Variants in NCALD observed in about 807,000 individuals in gnomAD.
NCALD encodes neurocalcin delta.
In NCALD, 10 loss-of-function variants were observed where a neutral mutation model predicts 18.6. The observed-to-expected ratio is 0.54, with a 90% CI of 0.33 to 0.91. NCALD has a LOEUF of 0.91. Among genes scored for constraint, NCALD ranks in the 40% least tolerant of loss-of-function variants. The probability of loss-of-function intolerance (pLI) is 0.03; values close to 1 mark genes in which losing one functional copy is unlikely to be tolerated. For missense variants in NCALD, 184 were observed against 247.6 expected (o/e 0.74, Z 1.72); for synonymous variants, 88 against 87.4 (o/e 1.01, Z -0.04).
intron 4 of NCALD, among the ~76,000 whole-genome samples, chr8:101,846,978 C>G (rs760725134): frequency 7.2e-5 from 11 of 152,166 alleles, no homozygotes; most frequent in African/African-American, 2.4e-4. Context: ...CAAATATCTA[C>G]TATCTCTTTC....
chr8:102,049,304 TC>T (rs1823350116), intron 1 of NCALD, among the ~76,000 whole-genome samples: 1 of 152,186 alleles, frequency 6.6e-6, no homozygotes, highest in Admixed American at 6.5e-5. Context: ...ATGGATCCAA[TC>T]CCCCATGGAT....
intron 2 of NCALD, among the ~76,000 whole-genome samples, chr8:101,999,206 A>G (rs949298219): frequency 6.6e-6 from 1 of 152,156 alleles, no homozygotes; most frequent in Middle Eastern, 3.2e-3. Context: ...TTGCACACAT[A>G]TGTTTATACC....
At chr8:102,056,340 CA>C (rs1823649149) in intron 1 of NCALD, among the ~76,000 whole-genome samples, 1 of 152,128 alleles carries the variant, frequency 6.6e-6, no homozygotes, top group Non-Finnish European at 1.5e-5. Flanking sequence ...TTTAAATAGC[CA>C]CAAGATATGA....
intron 4 of NCALD, among the ~76,000 whole-genome samples, chr8:101,800,552 G>C (rs1563781866): frequency 1.3e-5 from 2 of 151,486 alleles, no homozygotes; most frequent in African/African-American, 2.4e-5. Context: ...TATATAAACT[G>C]ACCAAATATT....
At chr8:101,736,064 G>A (rs954360181) in intron 1 of NCALD, among the ~76,000 whole-genome samples, 2 of 152,158 alleles carry the variant, frequency 1.3e-5, no homozygotes, top group Non-Finnish European at 2.9e-5. Flanking sequence ...CGACACCAGC[G>A]GGAGACTCAA....
intron 1 of NCALD, among the ~76,000 whole-genome samples, chr8:102,064,835 G>C (rs1345966799): frequency 6.6e-6 from 1 of 152,040 alleles, no homozygotes; most frequent in Admixed American, 6.5e-5. Flanking sequence ...AAGCACCCTA[G>C]ATGCTGTGCT....
rs976411581 is a variant in NCALD, at chr8:101,895,075, T to G, written c.-106-7848A>C. ...GACACAACCAAAAAAGAGAATTTTATACCAATATCCTTGATGAACATTGAT... is the reference window on the plus strand; with the variant it reads ...GACACAACCAAAAAAGAGAATTTTAGACCAATATCCTTGATGAACATTGAT... On this transcript the variant is annotated intron_variant, in intron 3 of 6. Transcript: ENST00000311028. Among the ~76,000 whole-genome samples the G allele has an allele frequency of 2.7e-4, 41 of 150,458 alleles. 2 individuals carry two copies. The East Asian group carries it at 5.0e-3, about 18-fold the overall frequency.
chr8:101,699,496 G>C (rs942805991), intron 2 of NCALD, among the ~76,000 whole-genome samples: 1 of 152,142 alleles, frequency 6.6e-6, no homozygotes, highest in Non-Finnish European at 1.5e-5. Flanking sequence ...CAATAGCAAA[G>C]ATATGTAATC....
At chr8:101,917,285 T>C (rs35690650) in intron 2 of NCALD, among the ~76,000 whole-genome samples, 7,067 of 152,178 alleles carry the variant, frequency 0.046, 260 homozygotes, top group African/African-American at 0.1. Flanking sequence ...CAAGAAATTC[T>C]TTGAAATAAA....
intron 2 of NCALD, among the ~76,000 whole-genome samples, chr8:101,998,087 G>A (rs1236282212): frequency 6.6e-6 from 1 of 152,064 alleles, no homozygotes; most frequent in East Asian, 1.9e-4. Flanking sequence ...GGCCCCTTGA[G>A]GTCAAATGCA....
chr8:102,108,238 C>T (rs1055754766), intron 1 of NCALD, among the ~76,000 whole-genome samples: 3 of 152,180 alleles, frequency 2.0e-5, no homozygotes, highest in Non-Finnish European at 2.9e-5. Flanking sequence ...GTTTGGCATA[C>T]ACAAAAACAC....
chr8:101,770,759 AT>A (rs1227913044), intron 1 of NCALD, among the ~76,000 whole-genome samples: 1 of 152,140 alleles, frequency 6.6e-6, no homozygotes, highest in Admixed American at 6.5e-5. Flanking sequence ...ATTTCAAATG[AT>A]TTTATTTTCA....
At chr8:101,923,393 G>A (rs888447899) in intron 2 of NCALD, among the ~76,000 whole-genome samples, 4 of 152,170 alleles carry the variant, frequency 2.6e-5, no homozygotes, top group African/African-American at 9.7e-5. Context: ...GGAAGTCTAG[G>A]GTCTAACCCC....
chr8:101,725,773 G>C (rs561101997), intron 1 of NCALD, among the ~76,000 whole-genome samples: 1 of 152,186 alleles, frequency 6.6e-6, no homozygotes, highest in Admixed American at 6.5e-5. Context: ...TCCCACAGAG[G>C]GGTCAAGGGA....
At chr8:101,819,823 C>G (rs1029553339) in intron 4 of NCALD, among the ~76,000 whole-genome samples, 1 of 152,170 alleles carries the variant, frequency 6.6e-6, no homozygotes, top group African/African-American at 2.4e-5. Flanking sequence ...GGAGAGAACC[C>G]ACTGTCCTAC....
At chr8:102,036,685 G>T (rs1331356039) in intron 1 of NCALD, among the ~76,000 whole-genome samples, 2 of 151,878 alleles carry the variant, frequency 1.3e-5, no homozygotes, top group Non-Finnish European at 2.9e-5. Flanking sequence ...TGAGGCAAGA[G>T]AATCCCTTAA....
intron 1 of NCALD, among the ~76,000 whole-genome samples, chr8:102,060,963 CT>C (rs1823829323): frequency 6.6e-6 from 1 of 152,164 alleles, no homozygotes; most frequent in Non-Finnish European, 1.5e-5. Flanking sequence ...ACAAAAGCCG[CT>C]TTTCCTCATT....
chr8:102,060,177 T>C (rs975072888), intron 1 of NCALD, among the ~76,000 whole-genome samples: 1 of 151,962 alleles, frequency 6.6e-6, no homozygotes, highest in Non-Finnish European at 1.5e-5. Flanking sequence ...CAGACAGGGT[T>C]TCACTGTGTT....
At chr8:101,839,864 G>A (rs753007724) in intron 4 of NCALD, among the ~76,000 whole-genome samples, 2 of 152,024 alleles carry the variant, frequency 1.3e-5, no homozygotes, top group Non-Finnish European at 2.9e-5. Flanking sequence ...TGTTAGGTTC[G>A]GTCTCGGAGG....
Sources: gnomAD v4.1 joint callset for allele counts (sites outside exome capture counted in the v4.1 genomes callset) on GRCh38, gnomAD v4.1.1 for gene constraint, MANE v1.5 for transcripts, NCBI Gene and HGNC (gene_info 2026-07-23, HGNC 2026-07-21) for gene names.